The following PSMD12 variants were observed in gnomAD, a reference collection of about 807,000 sequenced individuals.
The protein encoded by PSMD12 is 26S proteasome non-ATPase regulatory subunit 12.
In PSMD12, 8 loss-of-function variants were observed where a neutral mutation model predicts 62.9. That is an observed-to-expected ratio of 0.13 (90% CI 0.07 to 0.23). The LOEUF (loss-of-function observed/expected upper bound fraction) is 0.23, where lower values mean the gene tolerates loss of function less well. Ranked by LOEUF, PSMD12 falls within the 10% of genes least tolerant of loss-of-function variation. PSMD12 has a pLI of 1.00. For synonymous variants in PSMD12, 173 were observed against 187.4 expected (o/e 0.92, Z 0.63); for missense variants, 424 against 550.2 (o/e 0.77, Z 2.29).
chr17:67,346,804 TA>T (rs2041971613), intron 7 of PSMD12, among the ~76,000 whole-genome samples: 1 of 152,184 alleles, frequency 6.6e-6, no homozygotes, highest in Non-Finnish European at 1.5e-5. Context: ...AATATATATA[TA>T]AATAAGCCCC....
At chr17:67,356,354 C>G (rs1157336445) in intron 3 of PSMD12, among the ~76,000 whole-genome samples, 1 of 150,940 alleles carries the variant, frequency 6.6e-6, no homozygotes, top group Non-Finnish European at 1.5e-5. Context: ...GTCAGGAGAT[C>G]GAGACCATCC....
In PSMD12 at chr17:67,340,138, T is replaced by A. The variant is rs1452588915; in HGVS notation, c.*705A>T. On this transcript the variant is annotated 3_prime_UTR_variant, in exon 11 of 11. Coordinates refer to ENST00000356126, the MANE Select transcript of PSMD12 (RefSeq NM_002816.5). Reference sequence around the variant, plus strand: ...TAGTCACTATCCCTATAGAGCGGACTTAACACCCAATAAACTGTGTCAATT... The same window carrying A: ...TAGTCACTATCCCTATAGAGCGGACATAACACCCAATAAACTGTGTCAATT... 1.4e-5 allele frequency: 2 copies of A among 147,176 alleles called. No individual in the cohort carries two copies. The highest frequency in any genetic ancestry group is 2.5e-5 in the African/African-American group (1 of 40,078). 9.1% of individuals were successfully genotyped at this position (147,176 alleles called of 1,614,324 possible).
At chr17:67,344,497 A>T in intron 9 of PSMD12, 109 bp downstream of exon 9, 1 of 1,006,150 alleles carries the variant, frequency 9.9e-7, no homozygotes, top group Non-Finnish European at 1.4e-6. Flanking sequence ...TTGGTTATCA[A>T]ATGTGACAAA....
chr17:67,359,074 G>T (rs2042105599), intron 1 of PSMD12, among the ~76,000 whole-genome samples: 1 of 152,092 alleles, frequency 6.6e-6, no homozygotes, highest in African/African-American at 2.4e-5. Context: ...GCACTCATTG[G>T]CCAGGCATGG....
At chr17:67,365,184 CAAAAA>C (rs891969142) in intron 1 of PSMD12, among the ~76,000 whole-genome samples, 1 of 54,200 alleles carries the variant, frequency 1.8e-5, no homozygotes. Flanking sequence ...AACTCCGTCT[CAAAAA>C]AAAAAAAAAA....
chr17:67,353,096 A>G (rs1177646156), intron 3 of PSMD12, among the ~76,000 whole-genome samples: 3 of 152,176 alleles, frequency 2.0e-5, no homozygotes, highest in African/African-American at 7.2e-5. Flanking sequence ...ACTACTGTAC[A>G]TTAATACGCT....
Position 67,348,617 on chromosome 17 carries a change from G to GT in PSMD12, c.442dup (p.Thr148AsnfsTer11). 1 of 1,613,512 alleles carries GT rather than the reference G, an allele frequency of 6.2e-7. No homozygotes were observed. Among genetic ancestry groups the GT allele is most frequent in the Non-Finnish European group, 8.5e-7 (1 of 1,179,934 alleles). On this transcript the variant is annotated frameshift_variant, in exon 5 of 11. Transcript: ENST00000356126. LOFTEE classifies it high-confidence loss of function. ...ATTTTGTTCTTTTATAGTTGCTAAT[G>GT]TTTTAGTCAGTCGCGCACGCTCAAT...
rs766986747 is a variant in PSMD12 at position 67,366,558 on chromosome 17, G to A, written c.-39C>T. ...GCGTCCCTTGCTGTCCCCCTGCTTC[G>A]GCCACCACTCGTCACCCACACCGGA... On this transcript the variant is annotated 5_prime_UTR_variant, in exon 1 of 11. Transcript: ENST00000356126. 2.6e-6 allele frequency: 4 copies of A among 1,552,744 alleles called. No homozygotes were observed. The highest frequency in any genetic ancestry group is 3.6e-5 in the Admixed American group (2 of 56,332).
chr17:67,359,842 A>G (rs542855552), intron 1 of PSMD12, among the ~76,000 whole-genome samples: 1 of 152,326 alleles, frequency 6.6e-6, no homozygotes, highest in African/African-American at 2.4e-5. Flanking sequence ...GGAAAAAAAC[A>G]ATGAACAAAT....
intron 3 of PSMD12, among the ~76,000 whole-genome samples, chr17:67,353,357 CA>C (rs148421339): frequency 0.18 from 27,782 of 151,316 alleles, 3,058 homozygotes; most frequent in South Asian, 0.32. Flanking sequence ...CTCTGTCGCC[CA>C]GGCTAGAGTG....
At chr17:67,343,642 C>CTTT (rs1441546872) in intron 9 of PSMD12, among the ~76,000 whole-genome samples, 1 of 152,152 alleles carries the variant, frequency 6.6e-6, no homozygotes. Context: ...ATCTGATACT[C>CTTT]TTTTTATTTA....
At chr17:67,358,582 A>AAAAAAG (rs2042100445) in intron 1 of PSMD12, among the ~76,000 whole-genome samples, 1 of 150,150 alleles carries the variant, frequency 6.7e-6, no homozygotes, top group East Asian at 1.9e-4. Flanking sequence ...AAAAAAAAAA[A>AAAAAAG]AAAAGAAAAG....
intron 3 of PSMD12, among the ~76,000 whole-genome samples, chr17:67,352,820 C>G (rs2042030522): frequency 6.6e-6 from 1 of 152,186 alleles, no homozygotes; most frequent in Non-Finnish European, 1.5e-5. Flanking sequence ...ACTCAGTAGC[C>G]ATCTCAGTCT....
At position 67,339,392 on chromosome 17, in the gene PSMD12, C is replaced by T. The variant is rs560763603; in HGVS notation, c.*1451G>A. 7 of 152,100 alleles carry T rather than the reference C, an allele frequency of 4.6e-5. No homozygotes were observed. Among genetic ancestry groups the T allele is most frequent in the Non-Finnish European group, 1.0e-4 (7 of 68,018 alleles). The allele number at this position is 152,100 out of a possible 1,614,324, so 9.4% of individuals were successfully genotyped here. ...TCCCAAAGTGCTGGGATCCACTGCA[C>T]CCGGCCTTTTTTGGTTAGTTTTAAA... is the stretch of plus-strand genomic sequence containing the variant. On this transcript the variant is annotated 3_prime_UTR_variant, in exon 11 of 11. Transcript: ENST00000356126.
Position 67,366,548 on chromosome 17 carries a change from C to T in PSMD12, c.-29G>A. ...CCCCGCCTGAGCGTCCCTTGCTGTCCCCCTGCTTCGGCCACCACTCGTCAC... is the reference window on the plus strand; with the variant it reads ...CCCCGCCTGAGCGTCCCTTGCTGTCTCCCTGCTTCGGCCACCACTCGTCAC... On this transcript the variant is annotated 5_prime_UTR_variant, in exon 1 of 11. Transcript: ENST00000356126. The T allele has an allele frequency of 1.9e-6, 3 of 1,574,522 alleles. No homozygotes were observed. Among genetic ancestry groups the T allele is most frequent in the Non-Finnish European group, 2.6e-6 (3 of 1,160,796 alleles).
chr17:67,347,145 TACA>T lies in PSMD12; in HGVS notation c.763_765del (p.Cys255del). ...TGCCATTTTTCACTTTCTGCCTGTATACAGGGAGTATCATATATTGCTCTGTAG... is the reference window on the plus strand; with the variant it reads ...TGCCATTTTTCACTTTCTGCCTGTATGGGAGTATCATATATTGCTCTGTAG... On this transcript the variant is annotated inframe_deletion, in exon 7 of 11. Transcript: ENST00000356126. 1 of 1,611,958 alleles carries T rather than the reference TACA, an allele frequency of 6.2e-7. No homozygotes were observed. Among genetic ancestry groups the T allele is most frequent in the Non-Finnish European group, 8.5e-7 (1 of 1,178,736 alleles).
rs558777049 is a variant in PSMD12 at position 67,345,634 on chromosome 17, C to T, written c.908+111G>A. 4 of 852,592 alleles carry T rather than the reference C, an allele frequency of 4.7e-6. No individual in the cohort carries two copies. In the South Asian group the frequency reaches 4.8e-5, roughly 10 times the overall value. 52.8% of individuals were successfully genotyped at this position (852,592 alleles called of 1,614,324 possible). On this transcript the variant is annotated intron_variant, in intron 8 of 10. Coordinates refer to ENST00000356126, the MANE Select transcript of PSMD12 (RefSeq NM_002816.5). ...TCCAGTGTGGGCAACAATAGTAAAA[C>T]TCCATCTCAAAAAAAGAAGTATACA...
intron 4 of PSMD12, among the ~76,000 whole-genome samples, chr17:67,349,277 C>A (rs748623351): frequency 1.9e-4 from 29 of 152,226 alleles, no homozygotes; most frequent in Admixed American, 3.3e-4. Flanking sequence ...CCTCGGCCTC[C>A]CAAGGTGCTG....
rs764603720 is a variant in PSMD12, at chr17:67,342,266, G to T, written c.1084-3C>A. ...TACTTGGCCATTATTCTAATATTCT[G>T]GGGAGAGGATAGAGAGCAGGGAGAA... On this transcript the variant is annotated splice_region_variant and splice_polypyrimidine_tract_variant and intron_variant, in intron 9 of 10. Transcript: ENST00000356126. 1.3e-6 allele frequency: 2 copies of T among 1,555,770 alleles called. No individual in the cohort carries two copies. Among genetic ancestry groups the T allele is most frequent in the Non-Finnish European group, 8.9e-7 (1 of 1,128,514 alleles).
Sources: gnomAD v4.1 joint callset for allele counts (sites outside exome capture counted in the v4.1 genomes callset) on GRCh38, gnomAD v4.1.1 for gene constraint, MANE v1.5 for transcripts, NCBI Gene and HGNC (gene_info 2026-07-23, HGNC 2026-07-21) for gene names.